The following ACACB variants were observed in gnomAD, a reference collection of about 807,000 sequenced individuals.
ACACB encodes the protein acetyl-CoA carboxylase beta, also known as acetyl-CoA carboxylase 2.
ACACB carries 209 observed loss-of-function variants against 278.8 expected under a neutral mutation model. That is an observed-to-expected ratio of 0.75 (90% confidence interval 0.67 to 0.84). ACACB has a LOEUF of 0.84. ACACB is among the 40% of genes least tolerant of loss of function. ACACB has a pLI of 0.00. For missense variants in ACACB, 2,850 were observed against 3,269.0 expected, an observed-to-expected ratio of 0.87 and a Z score of 3.13; for synonymous variants, 1,174 against 1,285.6, an observed-to-expected ratio of 0.91 and a Z score of 1.86.
intron 13 of ACACB, among the ~76,000 whole-genome samples, chr12:109,189,927 A>G (rs1382005334): frequency 1.3e-5 from 2 of 152,102 alleles, no homozygotes; most frequent in Non-Finnish European, 2.9e-5. Context: ...CCTGGCCAAC[A>G]TGACGAAACC....
chr12:109,116,183 G>A (rs1384168498), upstream of ACACB, among the ~76,000 whole-genome samples: 3 of 152,180 alleles, frequency 2.0e-5, no homozygotes, highest in South Asian at 2.1e-4. Context: ...AGAGGGTTTC[G>A]CCAAATCTTT....
At chr12:109,144,754 CTT>C (rs71079528) in intron 2 of ACACB, among the ~76,000 whole-genome samples, 1 of 102,818 alleles carries the variant, frequency 9.7e-6, no homozygotes, top group Admixed American at 1.3e-4. Flanking sequence ...TTCTTTCTTT[CTT>C]TTTTTTTTTT....
In ACACB at chr12:109,222,804, G is replaced by C. The variant is rs2046211720; in HGVS notation, c.3684G>C (p.Leu1228=). ...CKVALRARQI[L]IASHLPSYEL... ...CCCCATCCCTCCCCCTGCAGATCCT[G>C]ATTGCCTCCCACCTCCCCTCCTACG... Residue 1228 remains leucine, a synonymous_variant, in exon 26 of 53, where the codon CTG becomes CTC. Coordinates refer to ENST00000338432, the MANE Select transcript of ACACB (RefSeq NM_001093.4). 6 of 1,612,980 alleles carry C rather than the reference G, an allele frequency of 3.7e-6. No individual in the cohort carries two copies. The highest frequency in any genetic ancestry group is 1.7e-6 in the Non-Finnish European group (2 of 1,179,448).
chr12:109,124,949 A>G (rs1311371653), intron 1 of ACACB, among the ~76,000 whole-genome samples: 1 of 152,102 alleles, frequency 6.6e-6, no homozygotes, highest in East Asian at 1.9e-4. Flanking sequence ...CCTGAGCTCA[A>G]ACGATACTCC....
At position 109,242,511 on chromosome 12, in the gene ACACB, G is replaced by A. The variant is rs200516813; in HGVS notation, c.5097G>A (p.Lys1699=). ...GMLINTPYVT[K]DLLQAKRFQA... is the part of the protein sequence containing the mutation. ...TGATCAATACTCCCTACGTCACCAA[G>A]GATCTGCTCCAGGCCAAGCGATTCC... The change falls in exon 37 of 53, where the codon AAG becomes AAA. Residue 1699 remains lysine, a synonymous_variant. Coordinates refer to ENST00000338432, the MANE Select transcript of ACACB (RefSeq NM_001093.4). 4.3e-6 allele frequency: 7 copies of A among 1,614,138 alleles called. No homozygotes were observed. The Admixed American group carries it at 1.2e-4, about 27-fold the overall frequency.
At chr12:109,229,323 G>A (rs2046404429) in intron 28 of ACACB, among the ~76,000 whole-genome samples, 1 of 152,024 alleles carries the variant, frequency 6.6e-6, no homozygotes, top group African/African-American at 2.4e-5. Flanking sequence ...GGGAGCCCTG[G>A]GCCCTCACCT....
At chr12:109,158,022 G>A (rs905810526) in intron 2 of ACACB, among the ~76,000 whole-genome samples, 15 of 152,136 alleles carry the variant, frequency 9.9e-5, no homozygotes, top group African/African-American at 3.1e-4. Flanking sequence ...TCCTGGTGGG[G>A]AGATTTTTGA....
Position 109,206,803 on chromosome 12 carries a change from C to T in ACACB, c.3007C>T (p.Leu1003Phe), listed in dbSNP as rs1442998693. The T allele has an allele frequency of 6.2e-7, 1 of 1,614,122 alleles. No homozygotes were observed. Among genetic ancestry groups the T allele is most frequent in the East Asian group, 2.2e-5 (1 of 44,878 alleles). The change falls in exon 20 of 53, where the codon CTC becomes TTC. Residue 1003 changes from leucine to phenylalanine, a missense_variant. Around this residue, in one of 3 missense-constraint regions of ACACB, gnomAD observed 2,265 missense variants for 2,561.3 expected, o/e 0.88. Transcript: ENST00000338432. ...GGTCTTCCACAGCGTCCTGGAAAACCTCACCAACGTCATGAGTGGCTTTTG... is the reference window on the plus strand; with the variant it reads ...GGTCTTCCACAGCGTCCTGGAAAACTTCACCAACGTCATGAGTGGCTTTTG... ...HQVFHSVLENLTNVMSGFCLP... is the reference protein window; with the variant it reads ...HQVFHSVLENFTNVMSGFCLP...
intron 15 of ACACB, among the ~76,000 whole-genome samples, chr12:109,192,656 T>C (rs1027545318): frequency 1.4e-5 from 2 of 146,344 alleles, no homozygotes; most frequent in Non-Finnish European, 3.0e-5. Flanking sequence ...AAGGATAAAC[T>C]TTTTTTTTTT....
chr12:109,132,171 C>CT (rs545662953), intron 1 of ACACB, among the ~76,000 whole-genome samples: 14,715 of 146,264 alleles, frequency 0.1, 1,109 homozygotes, highest in East Asian at 0.38. Context: ...TGGGTTGTTC[C>CT]TTTTTTTTTT....
rs1342179071 is a variant in ACACB at position 109,253,080 on chromosome 12, T to A, written c.5967T>A (p.Asn1989Lys). 1.9e-6 allele frequency: 3 copies of A among 1,613,548 alleles called. No individual in the cohort carries two copies. Among genetic ancestry groups the A allele is most frequent in the Non-Finnish European group, 2.5e-6 (3 of 1,179,740 alleles). The change falls in exon 43 of 53, where the codon AAT (asparagine) becomes AAA (lysine). Residue 1989 changes from asparagine to lysine, a missense_variant. Asn to Lys is a moderately conservative substitution (Grantham distance 94). This residue lies in a region of ACACB where 579 missense variants were observed against 684.6 expected (regional missense o/e 0.85). Transcript: ENST00000338432. ...GTGGCGTTCAGATCATGCATTACAATGGTGTCTCCCACATCACCGTGCCAG... is the reference window on the plus strand; with the variant it reads ...GTGGCGTTCAGATCATGCATTACAAAGGTGTCTCCCACATCACCGTGCCAG... Reference protein sequence around the residue: ...QLGGVQIMHYNGVSHITVPDD... With the variant: ...QLGGVQIMHYKGVSHITVPDD...
chr12:109,208,405 G>A (rs932373278), intron 20 of ACACB, among the ~76,000 whole-genome samples: 9 of 151,356 alleles, frequency 5.9e-5, no homozygotes, highest in Non-Finnish European at 1.0e-4. Context: ...ACGGGGTCTC[G>A]CCATGTTGCC....
Position 109,222,891 on chromosome 12 carries a change from G to C in ACACB, c.3771G>C (p.Gln1257His). ...CTGCCATTGACATGTACGGCCACCA[G>C]TTCTGCCCCGAGAACCTCAAGGTGA... ...FLSAIDMYGHQFCPENLKKLI... is the reference protein window; with the variant it reads ...FLSAIDMYGHHFCPENLKKLI... Residue 1257 changes from glutamine to histidine, a missense_variant, in exon 26 of 53, where the codon CAG becomes CAC. By Grantham distance (24) the Gln-to-His change is conservative (BLOSUM62 0). Transcript: ENST00000338432. 1 of 1,612,146 alleles carries C rather than the reference G, an allele frequency of 6.2e-7. No homozygotes were observed. The highest frequency in any genetic ancestry group is 1.1e-5 in the South Asian group (1 of 90,670).
chr12:109,117,956 G>C (rs1046531788), intron 1 of ACACB, among the ~76,000 whole-genome samples: 1 of 152,122 alleles, frequency 6.6e-6, no homozygotes, highest in African/African-American at 2.4e-5. Context: ...CACTGTGTTA[G>C]CCAGGATGGT....
chr12:109,187,206 C>T (rs749426982), intron 12 of ACACB, among the ~76,000 whole-genome samples: 1 of 152,076 alleles, frequency 6.6e-6, no homozygotes, highest in Non-Finnish European at 1.5e-5. Flanking sequence ...GAAATGGCCT[C>T]TTCCCTAGCA....
chr12:109,119,395 A>G (rs2135932251), intron 1 of ACACB, among the ~76,000 whole-genome samples: 1 of 151,314 alleles, frequency 6.6e-6, no homozygotes, highest in East Asian at 2.0e-4. Flanking sequence ...TTTGAGACCA[A>G]CCTGGCCAAC....
chr12:109,253,692 CTG>C (rs2047154070), intron 43 of ACACB, among the ~76,000 whole-genome samples: 1 of 152,344 alleles, frequency 6.6e-6, no homozygotes, highest in East Asian at 1.9e-4. Flanking sequence ...TCTTGGTTAA[CTG>C]TAACATTCCT....
chr12:109,139,871 A>C lies in ACACB; in HGVS notation c.466A>C (p.Asn156His). 1 of 1,614,200 alleles carries C rather than the reference A, an allele frequency of 6.2e-7. No homozygotes were observed. Among genetic ancestry groups the C allele is most frequent in the African/African-American group, 1.3e-5 (1 of 75,064 alleles). ...SPSKEDKKQANIKRQLMTNFI... is the reference protein window; with the variant it reads ...SPSKEDKKQAHIKRQLMTNFI... The stretch of plus-strand genomic sequence containing the variant: ...CTCCAAAGAAGACAAGAAGCAGGCA[A>C]ACATCAAGAGGCAGCTGATGACCAA... Residue 156 changes from asparagine (N) to histidine (H), a missense_variant, in exon 2 of 53, where the codon AAC becomes CAC. Asn to His is a moderately conservative substitution (Grantham distance 68). Transcript: ENST00000338432.
intron 27 of ACACB, among the ~76,000 whole-genome samples, chr12:109,227,055 A>G (rs111792882): frequency 0.059 from 8,913 of 151,914 alleles, 439 homozygotes; most frequent in African/African-American, 0.13. Flanking sequence ...TGCTCAAGCA[A>G]TCCTCCCACC....
Sources: gnomAD v4.1 joint callset for allele counts (sites outside exome capture counted in the v4.1 genomes callset) on GRCh38, gnomAD v4.1.1 for gene constraint, gnomAD v4.1.1 regional missense constraint, MANE v1.5 for transcripts, NCBI Gene and HGNC (gene_info 2026-07-23, HGNC 2026-07-21) for gene names.